Variants in LOC114841035 observed in about 807,000 individuals in gnomAD.
At chr11:64,243,867 A>G in the LOC114841035 span, 3 of 1,614,114 alleles carry the variant, frequency 1.9e-6, no homozygotes. Flanking sequence ...AGCTCCCCCA[A>G]AGATTCCAGG....
At chr11:64,241,434 C>G in the LOC114841035 span, among the ~76,000 whole-genome samples, 1 of 151,698 alleles carries the variant, frequency 6.6e-6, no homozygotes, top group Admixed American at 6.6e-5. Context: ...GGGGACGGAG[C>G]CTGGCTCTTG....
chr11:64,243,345 G>C, the LOC114841035 span: 1 of 1,598,498 alleles, frequency 6.3e-7, no homozygotes. Flanking sequence ...GGGAGTGGGG[G>C]CGTGCATGGC....
the LOC114841035 span, chr11:64,243,957 C>T: frequency 3.1e-6 from 5 of 1,614,000 alleles, no homozygotes; most frequent in South Asian, 3.3e-5. Context: ...GACTCCCCTT[C>T]TCCCCTACAG....
the LOC114841035 span, chr11:64,244,009 G>A: frequency 6.2e-7 from 1 of 1,614,002 alleles, no homozygotes; most frequent in Non-Finnish European, 8.5e-7. Context: ...GCTCAAAATA[G>A]AGCGACGAAC....
At chr11:64,242,167 C>T in the LOC114841035 span, 4 of 476,600 alleles carry the variant, frequency 8.4e-6, no homozygotes, top group Non-Finnish European at 1.1e-5. Flanking sequence ...CTGACCCCCT[C>T]CCCCCGCTGC....
chr11:64,243,581 C>A, the LOC114841035 span: 1 of 1,524,014 alleles, frequency 6.6e-7, no homozygotes, highest in South Asian at 1.1e-5. Context: ...TTTCATTGGT[C>A]TTCACCGTAT....
the LOC114841035 span, chr11:64,242,180 G>T: frequency 6.1e-6 from 3 of 494,506 alleles, no homozygotes; most frequent in South Asian, 3.2e-5. Context: ...CCCGCTGCTG[G>T]GGTCCTCGGC....
the LOC114841035 span, chr11:64,243,595 T>G: frequency 6.9e-7 from 1 of 1,449,916 alleles, no homozygotes; most frequent in Non-Finnish European, 9.6e-7. Flanking sequence ...ACCGTATCCA[T>G]TCATTACAAT....
chr11:64,243,390 C>T, the LOC114841035 span: 2 of 1,610,336 alleles, frequency 1.2e-6, no homozygotes, highest in South Asian at 2.2e-5. Context: ...GAGGCAAGCC[C>T]CAGGGATACA....
the LOC114841035 span, chr11:64,242,614 G>A: frequency 4.7e-6 from 7 of 1,494,910 alleles, no homozygotes; most frequent in Non-Finnish European, 6.2e-6. Flanking sequence ...GGACCAGAGA[G>A]TGCTTGGGAG....
the LOC114841035 span, among the ~76,000 whole-genome samples, chr11:64,241,482 G>A: frequency 6.6e-6 from 1 of 152,030 alleles, no homozygotes; most frequent in African/African-American, 2.4e-5. Context: ...GGAGCCTCGG[G>A]GTCGGAAGCA....
chr11:64,242,468 C>A, the LOC114841035 span: 1 of 1,548,994 alleles, frequency 6.5e-7, no homozygotes, highest in Non-Finnish European at 8.7e-7. Context: ...GGGCCGAGGG[C>A]AAAAGGAAGC....
the LOC114841035 span, chr11:64,243,815 A>G: frequency 6.2e-7 from 1 of 1,613,796 alleles, no homozygotes; most frequent in South Asian, 1.1e-5. Context: ...GCCATCACTG[A>G]CTGTTTCTTT....
At chr11:64,243,481 G>A in the LOC114841035 span, 1 of 1,613,902 alleles carries the variant, frequency 6.2e-7, no homozygotes, top group African/African-American at 1.3e-5. Context: ...GCAAGCTGGT[G>A]ATCCCATCCG....
the LOC114841035 span, chr11:64,243,172 C>G: frequency 6.2e-7 from 1 of 1,608,062 alleles, no homozygotes; most frequent in Non-Finnish European, 8.5e-7. Context: ...TCCCCTCTTC[C>G]TCACTGGCCT....
At chr11:64,242,258 A>C in the LOC114841035 span, 3 of 943,130 alleles carry the variant, frequency 3.2e-6, no homozygotes, top group Admixed American at 3.8e-5. Flanking sequence ...GTGACCCGGG[A>C]CAAAGGGGAT....
the LOC114841035 span, chr11:64,242,597 C>A: frequency 6.6e-7 from 1 of 1,517,126 alleles, no homozygotes; most frequent in South Asian, 1.3e-5. Context: ...GTGGGTGGGG[C>A]TTCCGAGGAC....
chr11:64,244,105 A>G, the LOC114841035 span: 13 of 1,529,368 alleles, frequency 8.5e-6, no homozygotes, highest in Admixed American at 5.4e-5. Context: ...AAAAACAAAA[A>G]CAAACAAAAA....
At chr11:64,243,089 A>C in the LOC114841035 span, 4 of 945,232 alleles carry the variant, frequency 4.2e-6, no homozygotes, top group Non-Finnish European at 6.8e-6. Flanking sequence ...AGGACTGACC[A>C]CCAGGGCTGT....
Sources: allele counts gnomAD v4.1 joint callset (sites outside exome capture counted in the v4.1 genomes callset), GRCh38; gene constraint gnomAD v4.1.1; transcripts MANE v1.5.